The following UNC79 variants were observed in gnomAD, a reference collection of about 807,000 sequenced individuals.
UNC79 encodes unc-79 subunit of NALCN channel complex, also known as protein unc-79 homolog.
In UNC79, 37 loss-of-function variants were observed where a neutral mutation model predicts 283.1. That is an observed-to-expected ratio of 0.13 (90% confidence interval 0.10 to 0.17). UNC79 has a LOEUF of 0.17. UNC79 is among the 10% of genes least tolerant of loss of function. UNC79 has a pLI of 1.00. For missense variants in UNC79, 2,272 were observed against 3,211.1 expected (o/e 0.71, Z 7.07); for synonymous variants, 1,107 against 1,200.2 (o/e 0.92, Z 1.61).
chr14:93,596,893 G>T (rs1226877419), intron 23 of UNC79, among the ~76,000 whole-genome samples: 1 of 152,146 alleles, frequency 6.6e-6, no homozygotes, highest in Non-Finnish European at 1.5e-5. Context: ...ATGTCTATTT[G>T]GTCTGCCATT....
chr14:93,429,638 T>C (rs1566929301), upstream of UNC79, among the ~76,000 whole-genome samples: 1 of 152,248 alleles, frequency 6.6e-6, no homozygotes, highest in East Asian at 1.9e-4. Flanking sequence ...TAGGATCTTT[T>C]ATTCTCTGAG....
intron 46 of UNC79, among the ~76,000 whole-genome samples, chr14:93,693,150 G>C (rs1190715241): frequency 6.6e-6 from 1 of 152,212 alleles, no homozygotes; most frequent in African/African-American, 2.4e-5. Flanking sequence ...GCAATTCTAT[G>C]TGTAGAGAGA....
At chr14:93,560,564 G>A (rs1382643604) in intron 14 of UNC79, among the ~76,000 whole-genome samples, 3 of 152,026 alleles carry the variant, frequency 2.0e-5, no homozygotes, top group African/African-American at 7.3e-5. Context: ...GCAGAAAGTC[G>A]TAAACTGACA....
In UNC79 at chr14:93,348,321, TTAAA is replaced by T. The variant is rs1272232542; in HGVS notation, c.-351+14803_-351+14806del. On this transcript the variant is annotated intron_variant, in intron 1 of 49. Transcript: ENST00000256339. ...TAGTCAAAAATGTTCTGCTTAAGTG[TTAAA>T]TAAAACGGAAACACTTATTCGTGCT... is the stretch of plus-strand genomic sequence containing the variant. The T allele has an allele frequency of 1.8e-5, 9 of 493,174 alleles. 1 individual carries two copies. Among genetic ancestry groups the T allele is most frequent in the African/African-American group, 1.2e-4 (6 of 51,162 alleles). 30.5% of individuals were successfully genotyped at this position (493,174 alleles called of 1,614,324 possible). A position where few individuals can be genotyped will look rare whatever the true frequency, so the allele number is the denominator to read the frequency against.
In UNC79 at chr14:93,535,919, G is replaced by T. The variant is rs1376394694; in HGVS notation, c.1123-2070G>T. Among the ~76,000 whole-genome samples the T allele has an allele frequency of 1.3e-5, 2 of 152,170 alleles. 1 individual carries two copies. The highest frequency in any genetic ancestry group is 2.9e-5 in the Non-Finnish European group (2 of 68,020). On this transcript the variant is annotated intron_variant, in intron 11 of 48. Transcript: ENST00000555664. ...GAAACTATCCTTGACTTCTTGATGGGAGGAGTGTGGAGAACCCGCCTCTGG... is the reference window on the plus strand; with the variant it reads ...GAAACTATCCTTGACTTCTTGATGGTAGGAGTGTGGAGAACCCGCCTCTGG...
chr14:93,387,369 C>T (rs1245543472), intron 1 of UNC79, among the ~76,000 whole-genome samples: 3 of 151,810 alleles, frequency 2.0e-5, no homozygotes. Flanking sequence ...TCAATGTAAA[C>T]ATGTATAGTT....
intron 30 of UNC79, among the ~76,000 whole-genome samples, chr14:93,624,994 T>C (rs2139988861): frequency 6.6e-6 from 1 of 152,304 alleles, no homozygotes; most frequent in African/African-American, 2.4e-5. Flanking sequence ...TATCCCTCAC[T>C]CAGAGCTCCA....
At chr14:93,494,776 C>T (rs2058940699) in intron 5 of UNC79, among the ~76,000 whole-genome samples, 1 of 152,158 alleles carries the variant, frequency 6.6e-6, no homozygotes, top group Non-Finnish European at 1.5e-5. Context: ...AGAGAGGTTG[C>T]ATCTGTTAAG....
chr14:93,559,054 A>C (rs1282081985), intron 14 of UNC79, among the ~76,000 whole-genome samples: 3 of 152,244 alleles, frequency 2.0e-5, no homozygotes, highest in Admixed American at 6.5e-5. Flanking sequence ...AATTTAAAAG[A>C]GCTTAATGAG....
rs1384764325 is a variant in UNC79, at chr14:93,617,652, C to T, written c.4224+348C>T. 1.3e-5 allele frequency among the ~76,000 whole-genome samples: 2 copies of T among 152,124 alleles called. No homozygotes were observed. Among genetic ancestry groups the T allele is most frequent in the Non-Finnish European group, 2.9e-5 (2 of 68,028 alleles). ...GTATTCATCCACTAAAGGTTTATGC[C>T]AGATAATTTTCTTGAAAAGAAATGT... On this transcript the variant is annotated intron_variant, in intron 28 of 48. Transcript: ENST00000555664. This position sits in a 1 kb window ranked among gnomAD's most constrained non-coding sequence, Gnocchi z 4.5.
At chr14:93,689,796 G>A (rs962229023) in intron 44 of UNC79, 5 of 259,858 alleles carry the variant, frequency 1.9e-5, no homozygotes, top group Admixed American at 5.0e-5. Context: ...GCCCACCAGA[G>A]AAGAAATTTC....
At chr14:93,431,973 C>T (rs546331585) in intron 1 of UNC79, among the ~76,000 whole-genome samples, 2 of 152,174 alleles carry the variant, frequency 1.3e-5, no homozygotes, top group African/African-American at 4.8e-5. Flanking sequence ...AAATAAAAGA[C>T]GTTTTTATTA....
At chr14:93,484,120 G>T (rs2058287934) in intron 4 of UNC79, among the ~76,000 whole-genome samples, 1 of 152,130 alleles carries the variant, frequency 6.6e-6, no homozygotes, top group South Asian at 2.1e-4. Context: ...TTCCACAATG[G>T]TTGAACTAGT....
intron 14 of UNC79, among the ~76,000 whole-genome samples, chr14:93,569,466 A>T (rs982167906): frequency 6.6e-6 from 1 of 152,122 alleles, no homozygotes; most frequent in Non-Finnish European, 1.5e-5. Flanking sequence ...AAAATAAGAG[A>T]TTGCTGTCAG....
intron 26 of UNC79, among the ~76,000 whole-genome samples, chr14:93,603,733 G>T (rs1034055859): frequency 6.6e-6 from 1 of 152,182 alleles, no homozygotes; most frequent in Non-Finnish European, 1.5e-5. Flanking sequence ...ACCAAAGTTT[G>T]CACCACCAGC....
intron 1 of UNC79, among the ~76,000 whole-genome samples, chr14:93,357,876 T>TCC (rs2054138978): frequency 4.5e-5 from 2 of 44,514 alleles, no homozygotes; most frequent in African/African-American, 1.5e-4. Context: ...GATATATGGA[T>TCC]ATATATATGG....
At chr14:93,528,516 C>A in intron 8 of UNC79, 42 bp from the exon 9 acceptor site, 1 of 1,572,148 alleles carries the variant, frequency 6.4e-7, no homozygotes, top group Admixed American at 1.7e-5. Flanking sequence ...AATGTGATAC[C>A]CAGGAACAGG....
intron 1 of UNC79, among the ~76,000 whole-genome samples, chr14:93,463,463 T>C (rs1272887488): frequency 6.6e-6 from 1 of 152,136 alleles, no homozygotes; most frequent in African/African-American, 2.4e-5. Context: ...GAGAGGTTTT[T>C]TCTTTCCCTT....
intron 44 of UNC79, chr14:93,689,881 G>A (rs2074554544): frequency 3.7e-6 from 2 of 537,806 alleles, no homozygotes; most frequent in Admixed American, 3.3e-5. Flanking sequence ...AGAATGCTGT[G>A]TAATCCTGTG....
Sources: allele counts gnomAD v4.1 joint callset (sites outside exome capture counted in the v4.1 genomes callset), GRCh38; gene constraint gnomAD v4.1.1; non-coding constraint Gnocchi (gnomAD v3.1); transcripts MANE v1.5; gene names NCBI Gene and HGNC (gene_info 2026-07-23, HGNC 2026-07-21).